Variants in PRR12 observed in about 807,000 individuals in gnomAD.
PRR12 encodes proline rich 12, also known as proline-rich protein 12.
PRR12 carries 12 observed loss-of-function variants against 138.0 expected under a neutral mutation model. The observed-to-expected ratio is 0.09, with a 90% CI of 0.06 to 0.14. PRR12 has a LOEUF of 0.14. PRR12 is among the 10% of genes least tolerant of loss of function. PRR12 has a pLI of 1.00. For missense variants in PRR12, 2,692 were observed against 2,861.3 expected (o/e 0.94, Z 1.35); for synonymous variants, 1,567 against 1,291.7 (o/e 1.21, Z -4.57).
At chr19:49,591,923 G>A (rs952365674) in intron 1 of PRR12, among the ~76,000 whole-genome samples, 183 bp downstream of exon 1, 1 of 152,034 alleles carries the variant, frequency 6.6e-6, no homozygotes, top group Non-Finnish European at 1.5e-5. Context: ...TGCAAACTCC[G>A]CCAAAGCCAG....
In PRR12 at chr19:49,626,162, G is replaced by A. The variant is rs2080954739; in HGVS notation, c.*555G>A. The A allele has an allele frequency of 6.6e-6, 1 of 152,202 alleles. No individual in the cohort carries two copies. Among genetic ancestry groups the A allele is most frequent in the Middle Eastern group, 3.4e-3 (1 of 294 alleles). 9.4% of individuals were successfully genotyped at this position (152,202 alleles called of 1,614,324 possible). On this transcript the variant is annotated 3_prime_UTR_variant, in exon 14 of 14. Transcript: ENST00000418929. ...TGGGGCAGGGGCTTGGGGAGGTGGA[G>A]GGGGGAGAAGGGTCCCCTCTCTCTG...
chr19:49,591,693 G>A lies in PRR12; in HGVS notation c.39G>A (p.Pro13=). The change falls in exon 1 of 14, where the codon CCG becomes CCA. Residue 13 remains proline, a synonymous_variant. Transcript: ENST00000418929. ...ACCCCAGCGCCGGCTTCGGGGACCC[G>A]CTCGGCGCCGGGGCGGGATGGAGTT... is the stretch of plus-strand genomic sequence containing the variant. ...RNYPSAGFGD[P]LGAGAGWSYE... The A allele has an allele frequency of 1.5e-6, 2 of 1,361,220 alleles. No homozygotes were observed. The highest frequency in any genetic ancestry group is 2.6e-5 in the South Asian group (2 of 76,668). The allele number at this position is 1,361,220 out of a possible 1,614,324, so 84.3% of individuals were successfully genotyped here. A position where few individuals can be genotyped will look rare whatever the true frequency, so the allele number is the denominator to read the frequency against.
At chr19:49,601,996 C>A in intron 6 of PRR12, 78 bp downstream of exon 6, 2 of 1,513,522 alleles carry the variant, frequency 1.3e-6, no homozygotes, top group South Asian at 1.2e-5. Flanking sequence ...GGATGACAGG[C>A]TTGTGCTGAG....
At chr19:49,592,742 C>T (rs892145716) in intron 1 of PRR12, among the ~76,000 whole-genome samples, 1 of 152,096 alleles carries the variant, frequency 6.6e-6, no homozygotes, top group African/African-American at 2.4e-5. Context: ...CGGGGATGGT[C>T]GGTGTTCTTG....
intron 6 of PRR12, among the ~76,000 whole-genome samples, chr19:49,607,188 A>G (rs1482674647): frequency 6.6e-6 from 1 of 152,026 alleles, no homozygotes; most frequent in Admixed American, 6.6e-5. Context: ...TTAACCTAAC[A>G]TATTGAAAGT....
intron 4 of PRR12, among the ~76,000 whole-genome samples, chr19:49,598,539 G>A (rs1292604003): frequency 6.6e-6 from 1 of 152,152 alleles, no homozygotes; most frequent in African/African-American, 2.4e-5. Flanking sequence ...CTGAATCTAG[G>A]CTGGGCAGTG....
chr19:49,610,397 C>G (rs1000173630), intron 6 of PRR12, among the ~76,000 whole-genome samples: 8 of 152,122 alleles, frequency 5.3e-5, no homozygotes, highest in Admixed American at 1.3e-4. Flanking sequence ...AGAAGAAAAT[C>G]TGATTGGTTC....
intron 6 of PRR12, among the ~76,000 whole-genome samples, chr19:49,607,713 G>GAA (rs1171813856): frequency 8.7e-6 from 1 of 115,558 alleles, no homozygotes; most frequent in African/African-American, 3.2e-5. Context: ...GTCTCAAAAA[G>GAA]AAAAAAAAAA....
intron 6 of PRR12, among the ~76,000 whole-genome samples, chr19:49,611,678 C>T (rs1176302186): frequency 1.3e-5 from 2 of 150,034 alleles, no homozygotes; most frequent in African/African-American, 5.0e-5. Flanking sequence ...AATCCCAGCA[C>T]TTTGGGAGGC....
intron 6 of PRR12, among the ~76,000 whole-genome samples, chr19:49,612,228 CA>C (rs1170293912): frequency 4.4e-3 from 237 of 53,466 alleles, no homozygotes; most frequent in Middle Eastern, 0.01. Context: ...GACTCTGTCT[CA>C]AAAAAAAAAA....
At chr19:49,617,910 C>G (rs751622774) in intron 9 of PRR12, among the ~76,000 whole-genome samples, 2 of 151,954 alleles carry the variant, frequency 1.3e-5, no homozygotes, top group Non-Finnish European at 2.9e-5. Context: ...CCAGCCTGGT[C>G]AACATGGAGA....
intron 6 of PRR12, among the ~76,000 whole-genome samples, chr19:49,605,442 A>AGTAGAG (rs1225616178): frequency 2.6e-5 from 4 of 151,670 alleles, no homozygotes; most frequent in Middle Eastern, 3.4e-3. Context: ...TTGTATTTTT[A>AGTAGAG]GTAGAGATGG....
At chr19:49,601,187 G>A (rs1358303840) in intron 5 of PRR12, among the ~76,000 whole-genome samples, 1 of 152,138 alleles carries the variant, frequency 6.6e-6, no homozygotes, top group Non-Finnish European at 1.5e-5. Context: ...AGTTAGGGAG[G>A]TGATGATTTA....
rs1212501561 is a variant in PRR12, at chr19:49,597,391, C to T, written c.3056C>T (p.Pro1019Leu). Residue 1019 changes from proline to leucine, a missense_variant, in exon 4 of 14, where the codon CCC becomes CTC. Physicochemically the swap from Pro to Leu is moderately conservative, Grantham distance 98. Transcript: ENST00000418929. This position sits in a 1 kb window ranked among gnomAD's most constrained non-coding sequence, Gnocchi z 6.3. Reference protein sequence around the residue: ...GLDPNKPPELPSTVNAEPLGL... With the variant: ...GLDPNKPPELLSTVNAEPLGL... ...GACCCCAACAAACCGCCTGAACTGC[C>T]CTCCACGGTCAACGCCGAGCCGCTG... The T allele has an allele frequency of 4.6e-6, 7 of 1,537,772 alleles. No individual in the cohort carries two copies. Among genetic ancestry groups the T allele is most frequent in the African/African-American group, 1.4e-5 (1 of 73,118 alleles).
chr19:49,591,812 C>A, intron 1 of PRR12, 72 bp downstream of exon 1: 1 of 938,484 alleles, frequency 1.1e-6, no homozygotes, highest in Non-Finnish European at 1.4e-6. Context: ...CCGGGCCGGG[C>A]CGGGCCCGCC....
At position 49,614,487 on chromosome 19, in the gene PRR12, G is replaced by A. The variant is rs2080881775; in HGVS notation, c.4774-46G>A. 5.0e-6 allele frequency: 7 copies of A among 1,406,692 alleles called. No homozygotes were observed. Among genetic ancestry groups the A allele is most frequent in the Non-Finnish European group, 6.7e-6 (7 of 1,046,380 alleles). The allele number at this position is 1,406,692 out of a possible 1,614,324, so 87.1% of individuals were successfully genotyped here. A position where few individuals can be genotyped will look rare whatever the true frequency, so the allele number is the denominator to read the frequency against. ...CAGGGCGTAGGGGCAGTAGGTCTAG[G>A]AATGAGGGCTGACCCTGCTGGCCTC... is the stretch of plus-strand genomic sequence containing the variant. On this transcript the variant is annotated intron_variant, in intron 6 of 13. Transcript: ENST00000418929. This position sits in a 1 kb window ranked among gnomAD's most constrained non-coding sequence, Gnocchi z 5.0.
chr19:49,591,225 G>T lies in PRR12; in HGVS notation c.-430G>T, dbSNP rs1396360929. Among the ~76,000 whole-genome samples, 6 of 143,054 alleles carry T rather than the reference G, an allele frequency of 4.2e-5. No homozygotes were observed. The Admixed American group carries it at 4.2e-4, about 10-fold the overall frequency. 93.8% of individuals were successfully genotyped at this position (143,054 alleles called of 152,430 possible). A position where few individuals can be genotyped will look rare whatever the true frequency, so the allele number is the denominator to read the frequency against. ...TTGTGCAAAGATGGCTGCACCGTGA[G>T]CGCAGAGGAGGAGGAGGCGGCGGCG... On this transcript the variant is annotated 5_prime_UTR_variant, in exon 1 of 14. Coordinates refer to ENST00000418929, the MANE Select transcript of PRR12 (RefSeq NM_020719.3).
rs2080758819 is a variant in PRR12 at position 49,595,333 on chromosome 19, C to T, written c.998C>T (p.Pro333Leu). Reference sequence around the variant, plus strand: ...CACCGGGCCAACCTGGCCTGCAGCCCCCTGGGTGGTGGGGAGCCCTCCCCG... The same window carrying T: ...CACCGGGCCAACCTGGCCTGCAGCCTCCTGGGTGGTGGGGAGCCCTCCCCG... ...MGHRANLACS[P>L]LGGGEPSPGA... is the part of the protein sequence containing the mutation. Residue 333 changes from proline to leucine, a missense_variant, in exon 4 of 14, where the codon CCC (proline) becomes CTC (leucine). Transcript: ENST00000418929. The T allele has an allele frequency of 6.5e-7, 1 of 1,543,878 alleles. No individual in the cohort carries two copies. Among genetic ancestry groups the T allele is most frequent in the Non-Finnish European group, 8.7e-7 (1 of 1,144,900 alleles).
Position 49,595,794 on chromosome 19 carries a change from C to A in PRR12, c.1459C>A (p.Pro487Thr). 8.8e-6 allele frequency: 14 copies of A among 1,598,508 alleles called. No individual in the cohort carries two copies. The highest frequency in any genetic ancestry group is 1.0e-5 in the Non-Finnish European group (12 of 1,174,496). Residue 487 changes from proline to threonine, a missense_variant, in exon 4 of 14, where the codon CCT becomes ACT. Physicochemically the swap from Pro to Thr is conservative, Grantham distance 38. Transcript: ENST00000418929. ...GGPPQPPSGP[P>T]PPGLATCQSY... The stretch of plus-strand genomic sequence containing the variant: ...CCCCCCACAGCCCCCCAGCGGCCCC[C>A]CTCCTCCTGGCCTGGCCACATGTCA...
Sources: allele counts gnomAD v4.1 joint callset (sites outside exome capture counted in the v4.1 genomes callset), GRCh38; gene constraint gnomAD v4.1.1; non-coding constraint Gnocchi (gnomAD v3.1); transcripts MANE v1.5; gene names NCBI Gene and HGNC (gene_info 2026-07-23, HGNC 2026-07-21).